Variants in SIPA1L1 observed in about 807,000 individuals in gnomAD.
The protein encoded by SIPA1L1 is signal-induced proliferation-associated 1-like protein 1.
In SIPA1L1, 26 loss-of-function variants were observed where a neutral mutation model predicts 162.7. The observed-to-expected ratio is 0.16, with a 90% CI of 0.12 to 0.22. The LOEUF (loss-of-function observed/expected upper bound fraction) is 0.22. Among genes scored for constraint, SIPA1L1 ranks in the 10% least tolerant of loss-of-function variants. The probability of loss-of-function intolerance (pLI) is 1.00; values close to 1 mark genes in which losing one functional copy is unlikely to be tolerated. For synonymous variants in SIPA1L1, 829 were observed against 837.4 expected (o/e 0.99, Z 0.17); for missense variants, 1,874 against 2,241.0 (o/e 0.84, Z 3.31).
intron 2 of SIPA1L1, among the ~76,000 whole-genome samples, chr14:71,415,545 C>G (rs139152393): frequency 6.6e-6 from 1 of 152,226 alleles, no homozygotes; most frequent in South Asian, 2.1e-4. Context: ...TCTGGTACTT[C>G]GAGAGGGAAG....
In SIPA1L1 at chr14:71,589,282, G is replaced by C; in HGVS notation, c.1410G>C (p.Leu470Phe). The change falls in exon 5 of 24, where the codon TTG becomes TTC. Residue 470 changes from leucine to phenylalanine, a missense_variant. Around this residue, in one of 5 missense-constraint regions of SIPA1L1, gnomAD observed 685 missense variants for 828.0 expected, o/e 0.83. Transcript: ENST00000381232. ...TACTTGAAGTGCCCAAGGAGAACTT[G>C]GTGTTGCACCTAGATAGAGTGAAAA... ...VAVLEVPKEN[L>F]VLHLDRVKRY... 6.2e-7 allele frequency: 1 copy of C among 1,613,994 alleles called. No individual in the cohort carries two copies. Among genetic ancestry groups the C allele is most frequent in the Non-Finnish European group, 8.5e-7 (1 of 1,179,906 alleles).
In SIPA1L1 at chr14:71,738,311, G is replaced by A. The variant is rs1248289546; in HGVS notation, c.5194G>A (p.Glu1732Lys). Residue 1732 changes from glutamate to lysine, a missense_variant, in exon 23 of 24, where the codon GAA (glutamate) becomes AAA (lysine). Physicochemically the swap from Glu to Lys is moderately conservative, Grantham distance 56. Coordinates refer to ENST00000381232, the MANE Select transcript of SIPA1L1 (RefSeq NM_001386936.1). Reference protein sequence around the residue: ...QLEGMLKMLREDLKKEKEDKA... With the variant: ...QLEGMLKMLRKDLKKEKEDKA... Reference sequence around the variant, plus strand: ...GGAAGGTATGCTGAAGATGCTTCGGGAAGATTTGAAGAAGGTAAACATGTA... The same window carrying A: ...GGAAGGTATGCTGAAGATGCTTCGGAAAGATTTGAAGAAGGTAAACATGTA... 6 of 1,612,590 alleles carry A rather than the reference G, an allele frequency of 3.7e-6. No individual in the cohort carries two copies. Among genetic ancestry groups the A allele is most frequent in the Admixed American group, 1.7e-5 (1 of 60,000 alleles).
intron 4 of SIPA1L1, chr14:71,586,789 T>C (rs2034667217): frequency 6.6e-6 from 1 of 151,948 alleles, no homozygotes; most frequent in South Asian, 2.1e-4. Flanking sequence ...TGGGGTGGAG[T>C]AGGTTGTACT....
chr14:71,658,652 G>A (rs1412202995), intron 9 of SIPA1L1, among the ~76,000 whole-genome samples: 1 of 152,170 alleles, frequency 6.6e-6, no homozygotes, highest in African/African-American at 2.4e-5. Context: ...ATGCCTTTGT[G>A]AATTAATCAT....
chr14:71,359,768 T>C (rs531170414), intron 2 of SIPA1L1, among the ~76,000 whole-genome samples: 10 of 152,336 alleles, frequency 6.6e-5, no homozygotes, highest in African/African-American at 2.4e-4. Flanking sequence ...CTTGCTTGTT[T>C]GGCAATAAAC....
chr14:71,553,763 CT>C (rs975979034), intron 4 of SIPA1L1, among the ~76,000 whole-genome samples: 1 of 151,446 alleles, frequency 6.6e-6, no homozygotes, highest in Non-Finnish European at 1.5e-5. Context: ...ATATACAATT[CT>C]TTTTTTTTCA....
chr14:71,416,472 A>G (rs556161831), intron 2 of SIPA1L1, among the ~76,000 whole-genome samples: 2 of 152,086 alleles, frequency 1.3e-5, no homozygotes, highest in African/African-American at 4.8e-5. Context: ...TCTTCTTTTA[A>G]TAGAAGTGAT....
At chr14:71,385,492 A>G (rs1282581100) in intron 2 of SIPA1L1, among the ~76,000 whole-genome samples, 6 of 152,202 alleles carry the variant, frequency 3.9e-5, no homozygotes, top group Non-Finnish European at 8.8e-5. Flanking sequence ...CCTCTATTGA[A>G]TAGCTCTATC....
At chr14:71,706,602 A>G (rs916516221) in intron 16 of SIPA1L1, among the ~76,000 whole-genome samples, 4 of 152,234 alleles carry the variant, frequency 2.6e-5, no homozygotes, top group Admixed American at 6.5e-5. Flanking sequence ...CTGGAGCTAA[A>G]GAAGTTCTGT....
At chr14:71,515,954 T>A (rs2051684972) in intron 3 of SIPA1L1, among the ~76,000 whole-genome samples, 1 of 152,222 alleles carries the variant, frequency 6.6e-6, no homozygotes, top group African/African-American at 2.4e-5. Context: ...TTATATAGCA[T>A]TTAAACCCAA....
intron 7 of SIPA1L1, among the ~76,000 whole-genome samples, chr14:71,626,157 T>C (rs2039961299): frequency 6.6e-6 from 1 of 152,222 alleles, no homozygotes; most frequent in Non-Finnish European, 1.5e-5. Flanking sequence ...TAATATATGA[T>C]AGTTGTTTTC....
At chr14:71,563,597 A>T (rs2056961624) in intron 4 of SIPA1L1, among the ~76,000 whole-genome samples, 1 of 152,198 alleles carries the variant, frequency 6.6e-6, no homozygotes. Flanking sequence ...GCTACTTCTC[A>T]TGACCTATTT....
At chr14:71,340,204 T>A (rs915670590) in intron 2 of SIPA1L1, among the ~76,000 whole-genome samples, 5 of 152,238 alleles carry the variant, frequency 3.3e-5, no homozygotes, top group Non-Finnish European at 7.3e-5. Context: ...TATGGTTTAT[T>A]ATTCATTCAT....
intron 4 of SIPA1L1, among the ~76,000 whole-genome samples, chr14:71,552,395 C>CTT (rs1018604407): frequency 4.2e-5 from 6 of 142,094 alleles, no homozygotes; most frequent in African/African-American, 5.1e-5. Flanking sequence ...TACCCTATTT[C>CTT]TTTTTTTTTT....
intron 2 of SIPA1L1, among the ~76,000 whole-genome samples, chr14:71,336,590 G>A (rs898034796): frequency 1.3e-5 from 2 of 152,164 alleles, no homozygotes; most frequent in African/African-American, 4.8e-5. Context: ...CCTGTCTGCT[G>A]ACACAGAAAC....
chr14:71,391,726 C>T (rs1169349517), intron 2 of SIPA1L1, among the ~76,000 whole-genome samples: 1 of 152,122 alleles, frequency 6.6e-6, no homozygotes, highest in Non-Finnish European at 1.5e-5. Context: ...AGAGTACATT[C>T]TAAAGAGTGA....
intron 22 of SIPA1L1, among the ~76,000 whole-genome samples, chr14:71,736,411 A>C (rs1474268033): frequency 6.6e-6 from 1 of 152,154 alleles, no homozygotes; most frequent in Non-Finnish European, 1.5e-5. Context: ...AAAAGGAAAA[A>C]ACCTTTCAAG....
intron 4 of SIPA1L1, among the ~76,000 whole-genome samples, chr14:71,533,442 C>T (rs542737497): frequency 6.6e-6 from 1 of 152,232 alleles, no homozygotes. Context: ...ATTCATTCAG[C>T]AGCAAAAAGG....
intron 2 of SIPA1L1, among the ~76,000 whole-genome samples, chr14:71,420,019 T>C (rs2140549003): frequency 6.6e-6 from 1 of 152,122 alleles, no homozygotes; most frequent in African/African-American, 2.4e-5. Context: ...AGACCCTGTC[T>C]CAAAAAAACA....
Sources: gnomAD v4.1 joint callset for allele counts (sites outside exome capture counted in the v4.1 genomes callset) on GRCh38, gnomAD v4.1.1 for gene constraint, gnomAD v4.1.1 regional missense constraint, MANE v1.5 for transcripts, NCBI Gene and HGNC (gene_info 2026-07-23, HGNC 2026-07-21) for gene names.